Variants in CCDC188 observed in about 807,000 individuals in gnomAD.
CCDC188 encodes the protein coiled-coil domain-containing protein 188.
CCDC188 carries 37 observed loss-of-function variants against 50.7 expected under a neutral mutation model. The ratio of observed to expected loss-of-function variants is 0.73; its 90% CI spans 0.56 to 0.96. The LOEUF (loss-of-function observed/expected upper bound fraction) is 0.96, where lower values mean the gene tolerates loss of function less well. CCDC188 is among the 40% of genes least tolerant of loss of function. The pLI is 0.00. For synonymous variants in CCDC188, 208 were observed against 228.0 expected (o/e 0.91, Z 0.79); for missense variants, 453 against 512.9 (o/e 0.88, Z 1.13).
In CCDC188 at chr22:20,148,931, G is replaced by A; in HGVS notation, c.973-7C>T. 1 of 1,498,868 alleles carries A rather than the reference G, an allele frequency of 6.7e-7. No homozygotes were observed. Among genetic ancestry groups the A allele is most frequent in the South Asian group, 1.3e-5 (1 of 76,910 alleles). The allele number at this position is 1,498,868 out of a possible 1,614,324, so 92.8% of individuals were successfully genotyped here. A position where few individuals can be genotyped will look rare whatever the true frequency, so the allele number is the denominator to read the frequency against. ...CCAGCTTTGGCCTCCCTTTCTGTCG[G>A]GGAGGGGCTGGATCAGAGCCCACCC... On this transcript the variant is annotated splice_region_variant and splice_polypyrimidine_tract_variant and intron_variant, in intron 7 of 8. Transcript: ENST00000439765.
rs377148874 is a variant in CCDC188 at position 20,148,938 on chromosome 22, GC to G, written c.973-15del. 18 of 1,491,066 alleles carry G rather than the reference GC, an allele frequency of 1.2e-5. 1 individual carries two copies. The Middle Eastern group carries it at 1.6e-3, about 129-fold the overall frequency. The allele number at this position is 1,491,066 out of a possible 1,614,324, so 92.4% of individuals were successfully genotyped here. On this transcript the variant is annotated splice_polypyrimidine_tract_variant and intron_variant, in intron 7 of 8. Transcript: ENST00000439765. ...TGGCCTCCCTTTCTGTCGGGGAGGG[GC>G]TGGATCAGAGCCCACCCCGAGTGTC...
rs375379476 is a variant in CCDC188, at chr22:20,149,917, A to G, written c.732+38T>C. On this transcript the variant is annotated intron_variant, in intron 3 of 8. Transcript: ENST00000439765. ...AGGCCCACCTGGAGTGCTGTTACGA[A>G]GCTTCCTCCCCCCCCACAGCCCCTC... 2.2e-5 allele frequency: 33 copies of G among 1,513,524 alleles called. No homozygotes were observed. The African/African-American group carries it at 3.8e-4, about 17-fold the overall frequency. 93.8% of individuals were successfully genotyped at this position (1,513,524 alleles called of 1,614,324 possible). A position where few individuals can be genotyped will look rare whatever the true frequency, so the allele number is the denominator to read the frequency against.
Position 20,148,885 on chromosome 22 carries a change from C to T in CCDC188, c.1012G>A (p.Gly338Ser). The change falls in exon 8 of 9, where the codon GGC (glycine) becomes AGC (serine). Residue 338 changes from glycine to serine, a missense_variant. By Grantham distance (56) the Gly-to-Ser change is moderately conservative. Coordinates refer to ENST00000439765, the MANE Select transcript of CCDC188 (RefSeq NM_001365892.2). Reference protein sequence around the residue: ...PKLGSSKGLAGQLWLLTLRLL... With the variant: ...PKLGSSKGLASQLWLLTLRLL... ...CGTGCAGTCACCTACCAGAGCTGGC[C>T]TGCCAGGCCCTTGGAGCTTCCCAGC... The T allele has an allele frequency of 9.9e-6, 15 of 1,512,794 alleles. No individual in the cohort carries two copies. The highest frequency in any genetic ancestry group is 1.3e-5 in the Non-Finnish European group (15 of 1,127,866). The allele number at this position is 1,512,794 out of a possible 1,614,324, so 93.7% of individuals were successfully genotyped here.
chr22:20,150,552 C>T lies in CCDC188; in HGVS notation c.435G>A (p.Arg145=), dbSNP rs1235344893. ...CGCACTGAAGCTGGGACAGGGCTAC[C>T]CTGGGCGAGGCCAGGGCCCCTCCCT... The part of the protein sequence containing the change: ...SREGGALASP[R]VALSQLQCGL... The change falls in exon 1 of 9, where the codon AGG becomes AGA. Residue 145 remains arginine, a synonymous_variant. Coordinates refer to ENST00000439765, the MANE Select transcript of CCDC188 (RefSeq NM_001365892.2). The T allele has an allele frequency of 1.3e-6, 2 of 1,548,830 alleles. No homozygotes were observed. Among genetic ancestry groups the T allele is most frequent in the Non-Finnish European group, 1.7e-6 (2 of 1,146,114 alleles).
In CCDC188 at chr22:20,149,610, C is replaced by T. The variant is rs1182375437; in HGVS notation, c.820G>A (p.Ala274Thr). ...VWDNVAEMHM[A>T]LNNQATGLLN... The stretch of plus-strand genomic sequence containing the variant: ...AGCCCGGTGGCCTGGTTGTTCAGGG[C>T]CATGTGCATCTCAGCCACGTTGTCC... Residue 274 changes from alanine to threonine, a missense_variant, in exon 5 of 9, where the codon GCC becomes ACC. Ala to Thr is a moderately conservative substitution (Grantham distance 58, BLOSUM62 0). Transcript: ENST00000439765. The T allele has an allele frequency of 2.6e-6, 4 of 1,550,046 alleles. No homozygotes were observed. Among genetic ancestry groups the T allele is most frequent in the South Asian group, 2.4e-5 (2 of 84,052 alleles).
chr22:20,148,960 G>C, intron 7 of CCDC188, 36 bp from the exon 8 acceptor site: 2 of 1,458,504 alleles, frequency 1.4e-6, no homozygotes, highest in Non-Finnish European at 1.8e-6. Flanking sequence ...CCCACCCCGA[G>C]TGTCCAGGCT....
chr22:20,149,593 G>A lies in CCDC188; in HGVS notation c.837C>T (p.Ala279=), dbSNP rs1446751368. The change falls in exon 5 of 9, where the codon GCC becomes GCT. Residue 279 remains alanine (A), a synonymous_variant. Transcript: ENST00000439765. ...TGTGGGGACCTACCAGGAGCCCGGT[G>A]GCCTGGTTGTTCAGGGCCATGTGCA... ...AEMHMALNNQ[A]TGLLNLKKDI... is the part of the protein sequence containing the mutation. 38 of 1,550,188 alleles carry A rather than the reference G, an allele frequency of 2.5e-5. No individual in the cohort carries two copies. Among genetic ancestry groups the A allele is most frequent in the Non-Finnish European group, 3.3e-5 (38 of 1,146,900 alleles).
At position 20,149,969 on chromosome 22, in the gene CCDC188, C is replaced by T. The variant is rs1204385482; in HGVS notation, c.718G>A (p.Val240Met). ...CCCAGGCCCACCTGGGACTGTTGCA[C>T]GAAAGCCTCTTGCCCCTGGCACAGC... ...RELCQGQEAF[V>M]QQSQNELQQI... is the part of the protein sequence containing the mutation. The change falls in exon 3 of 9, where the codon GTG (valine) becomes ATG (methionine). Residue 240 changes from valine to methionine, a missense_variant. Val to Met is a conservative substitution (Grantham distance 21, BLOSUM62 1). Transcript: ENST00000439765. 11 of 1,547,280 alleles carry T rather than the reference C, an allele frequency of 7.1e-6. No individual in the cohort carries two copies. The African/African-American group carries it at 8.2e-5, about 12-fold the overall frequency.
At position 20,149,635 on chromosome 22, in the gene CCDC188, C is replaced by T; in HGVS notation, c.795G>A (p.Trp265Ter). The T allele has an allele frequency of 6.5e-7, 1 of 1,550,108 alleles. No individual in the cohort carries two copies. Among genetic ancestry groups the T allele is most frequent in the African/African-American group, 1.4e-5 (1 of 73,170 alleles). The change falls in exon 5 of 9, where the codon TGG becomes TGA. Residue 265 changes from tryptophan (W) to a stop codon, truncating the protein, a stop_gained. Transcript: ENST00000439765. LOFTEE classifies it high-confidence loss of function. The stretch of plus-strand genomic sequence containing the variant: ...CCATGTGCATCTCAGCCACGTTGTC[C>T]CACACCTAGGGGGAGGTGGGGTCAC... ...ERKKMVITEVWDNVAEMHMAL... is the reference protein window; with the variant it reads ...ERKKMVITEV
At position 20,149,222 on chromosome 22, in the gene CCDC188, G is replaced by A. The variant is rs767095742; in HGVS notation, c.937C>T (p.Arg313Ter). ...GCCATCTGCTTCTCCTTCCTGGCTCGAGTGCGGCACTGGGCCCGCTCCCTG... is the reference window on the plus strand; with the variant it reads ...GCCATCTGCTTCTCCTTCCTGGCTCAAGTGCGGCACTGGGCCCGCTCCCTG... ...ILRERAQCRT[R>*]ARKEKQMASM... The change falls in exon 7 of 9, where the codon CGA becomes TGA. Residue 313 changes from arginine (R) to a stop codon, truncating the protein, a stop_gained. Coordinates refer to ENST00000439765, the MANE Select transcript of CCDC188 (RefSeq NM_001365892.2). LOFTEE classifies it high-confidence loss of function. 426 of 1,474,172 alleles carry A rather than the reference G, an allele frequency of 2.9e-4. 1 individual carries two copies. Among genetic ancestry groups the A allele is most frequent in the Non-Finnish European group, 3.6e-4 (395 of 1,109,594 alleles). 91.3% of individuals were successfully genotyped at this position (1,474,172 alleles called of 1,614,324 possible). A position where few individuals can be genotyped will look rare whatever the true frequency, so the allele number is the denominator to read the frequency against.
In CCDC188 at chr22:20,149,576, C is replaced by A; in HGVS notation, c.849+5G>T. ...CCTTCTGGGTGCTGCCCTGTGGGGACCTACCAGGAGCCCGGTGGCCTGGTT... is the reference window on the plus strand; with the variant it reads ...CCTTCTGGGTGCTGCCCTGTGGGGAACTACCAGGAGCCCGGTGGCCTGGTT... On this transcript the variant is annotated splice_donor_5th_base_variant and intron_variant, in intron 5 of 8. Transcript: ENST00000439765. 6.5e-7 allele frequency: 1 copy of A among 1,550,214 alleles called. No homozygotes were observed. Among genetic ancestry groups the A allele is most frequent in the Non-Finnish European group, 8.7e-7 (1 of 1,146,922 alleles).
Position 20,150,058 on chromosome 22 carries a change from G to T in CCDC188, c.629C>A (p.Pro210His). The T allele has an allele frequency of 1.3e-6, 2 of 1,547,012 alleles. No individual in the cohort carries two copies. The stretch of plus-strand genomic sequence containing the variant: ...GGGCTGCGTGCCAGCCGGGTCGGGG[G>T]GCTGTGGGAGAGCCCCCAGATCAGC... ...EHSSCTALAWPPDPAGTQPLG... is the reference protein window; with the variant it reads ...EHSSCTALAWHPDPAGTQPLG... The change falls in exon 3 of 9, where the codon CCC (proline) becomes CAC (histidine). Residue 210 changes from proline (P) to histidine (H), a missense_variant and splice_region_variant. Physicochemically the swap from Pro to His is moderately conservative, Grantham distance 77 (BLOSUM62 -2). Transcript: ENST00000439765.
intron 1 of CCDC188, 55 bp from the exon 2 acceptor site, chr22:20,150,305 G>C (rs2050601255): frequency 7.4e-7 from 1 of 1,344,430 alleles, no homozygotes; most frequent in Non-Finnish European, 1.0e-6. Flanking sequence ...CCTGCGGCTG[G>C]GGCTGGGGCA....
At chr22:20,149,686 G>A in intron 4 of CCDC188, 38 bp downstream of exon 4, 1 of 1,542,150 alleles carries the variant, frequency 6.5e-7, no homozygotes. Flanking sequence ...CCCACTGGGT[G>A]GGCCCCCAGC....
In CCDC188 at chr22:20,148,726, G is replaced by T. The variant is rs564276391; in HGVS notation, c.1097C>A (p.Thr366Lys). ...GGGTGGCACCAGCCCCTCGAAAGGT[G>T]TGGGGTTCACCACGTACACGTAGGC... ...TAAYVYVVNP[T>K]PFEGLVPPLL... The change falls in exon 9 of 9, where the codon ACA becomes AAA. Residue 366 changes from threonine to lysine, a missense_variant. Physicochemically the swap from Thr to Lys is moderately conservative, Grantham distance 78. Transcript: ENST00000439765. The T allele has an allele frequency of 4.6e-6, 7 of 1,528,210 alleles. No individual in the cohort carries two copies. The highest frequency in any genetic ancestry group is 5.3e-6 in the Non-Finnish European group (6 of 1,136,222). 94.7% of individuals were successfully genotyped at this position (1,528,210 alleles called of 1,614,324 possible).
intron 1 of CCDC188, 43 bp downstream of exon 1, chr22:20,150,425 G>GTGGGAC (rs2050604519): frequency 7.6e-7 from 1 of 1,321,728 alleles, no homozygotes. Context: ...CAGGCGGTGG[G>GTGGGAC]TGGGGCTGGG....
Position 20,148,776 on chromosome 22 carries a change from C to A in CCDC188, c.1047G>T (p.Leu349=), listed in dbSNP as rs959073310. ...QLWLLTLRLL[L]GALLVWTAAY... ...CAGCGGTCCAGACCAGCAGGGCGCC[C>A]AGCAGCAGCCTCAGGGTCAGCAGCC... is the stretch of plus-strand genomic sequence containing the variant. The change falls in exon 9 of 9, where the codon CTG becomes CTT. Residue 349 remains leucine (L), a synonymous_variant. Transcript: ENST00000439765. 42 of 1,472,542 alleles carry A rather than the reference C, an allele frequency of 2.9e-5. No homozygotes were observed. The highest frequency in any genetic ancestry group is 3.6e-4 in the Middle Eastern group (2 of 5,490). The allele number at this position is 1,472,542 out of a possible 1,614,324, so 91.2% of individuals were successfully genotyped here.
Position 20,148,819 on chromosome 22 carries a change from AG to A in CCDC188, c.1023-20del, listed in dbSNP as rs575087333. 1.7e-3 allele frequency: 2,525 copies of A among 1,457,784 alleles called. 4 individuals carry two copies. The highest frequency in any genetic ancestry group is 2.1e-3 in the Non-Finnish European group (2,348 of 1,099,642). The allele number at this position is 1,457,784 out of a possible 1,614,324, so 90.3% of individuals were successfully genotyped here. A position where few individuals can be genotyped will look rare whatever the true frequency, so the allele number is the denominator to read the frequency against. On this transcript the variant is annotated intron_variant, in intron 8 of 8. Coordinates refer to ENST00000439765, the MANE Select transcript of CCDC188 (RefSeq NM_001365892.2). ...CAGCAGCCTGCGGGCGGCGGTGGTC[AG>A]GGGCAGGGGCGCGCGGGGGGCCTGG...
chr22:20,149,339 G>T (rs1403167649), intron 6 of CCDC188, 73 bp downstream of exon 6: 14 of 1,546,382 alleles, frequency 9.1e-6, no homozygotes, highest in Non-Finnish European at 1.2e-5. Flanking sequence ...GGTCAAGGAT[G>T]GGTCTGCCCT....
Sources: gnomAD v4.1 joint callset for allele counts on GRCh38, gnomAD v4.1.1 for gene constraint, MANE v1.5 for transcripts, NCBI Gene and HGNC (gene_info 2026-07-23, HGNC 2026-07-21) for gene names.